TNIP2: variants seen among roughly 807,000 people sequenced by gnomAD.
TNIP2 encodes the protein TNFAIP3 interacting protein 2.
In TNIP2, 30 loss-of-function variants were observed where a neutral mutation model predicts 43.7. That is an observed-to-expected ratio of 0.69 (90% confidence interval 0.51 to 0.93). The LOEUF is 0.93. Among genes scored for constraint, TNIP2 ranks in the 40% least tolerant of loss-of-function variants. The probability of loss-of-function intolerance (pLI) is 0.00; values close to 1 mark genes in which losing one functional copy is unlikely to be tolerated. For synonymous variants in TNIP2, 260 were observed against 254.6 expected (o/e 1.02, Z -0.20); for missense variants, 599 against 591.0 (o/e 1.01, Z -0.14).
chr4:2,755,873 G>A (rs1267882014), intron 1 of TNIP2, 141 bp downstream of exon 1: 1 of 1,167,358 alleles, frequency 8.6e-7, no homozygotes, highest in East Asian at 3.4e-5. Context: ...AACCCCTCAG[G>A]ACCCGAGGCC....
chr4:2,746,767 G>A (rs1050836614), intron 2 of TNIP2, among the ~76,000 whole-genome samples: 6 of 152,238 alleles, frequency 3.9e-5, no homozygotes. Context: ...TGGGGTCTCA[G>A]CCTAGGTGAG....
chr4:2,755,813 C>G (rs370067343), intron 1 of TNIP2: 1 of 686,878 alleles, frequency 1.5e-6, no homozygotes, highest in African/African-American at 2.0e-5. Flanking sequence ...GGGGCCCCCT[C>G]ACCCCCAGGA....
chr4:2,748,594 G>A (rs111739746), intron 1 of TNIP2, among the ~76,000 whole-genome samples: 52,389 of 151,876 alleles, frequency 0.34, 10,637 homozygotes, highest in Admixed American at 0.54. Context: ...CGCCTACCTC[G>A]GCATCCGCCC....
intron 1 of TNIP2, among the ~76,000 whole-genome samples, chr4:2,753,319 G>A (rs1439044777): frequency 6.6e-6 from 1 of 151,892 alleles, no homozygotes; most frequent in Non-Finnish European, 1.5e-5. Context: ...ACACTCCTGT[G>A]GTCCCAGCTA....
chr4:2,750,280 G>A (rs1722066696), intron 1 of TNIP2, among the ~76,000 whole-genome samples: 1 of 152,100 alleles, frequency 6.6e-6, no homozygotes, highest in Non-Finnish European at 1.5e-5. Context: ...GAAGTGGCGG[G>A]AGAAGGGTCC....
At chr4:2,743,246 G>C (rs16843328) in intron 5 of TNIP2, among the ~76,000 whole-genome samples, 10,133 of 152,156 alleles carry the variant, frequency 0.067, 600 homozygotes, top group African/African-American at 0.15. Context: ...GGCTACTGTT[G>C]AAAGGGAACC....
At position 2,744,556 on chromosome 4, in the gene TNIP2, CCA is replaced by C. The variant is rs775881752; in HGVS notation, c.907-52_907-51del. 1 of 1,611,470 alleles carries C rather than the reference CCA, an allele frequency of 6.2e-7. No homozygotes were observed. The highest frequency in any genetic ancestry group is 1.1e-5 in the South Asian group (1 of 91,008). ...TCTGCTCAAGGAAGGAGGAAGCGCC[CCA>C]CCAGGCTTCTCCCACCCCCACAGTG... is the stretch of plus-strand genomic sequence containing the variant. On this transcript the variant is annotated intron_variant, in intron 4 of 5. Transcript: ENST00000315423. The surrounding 1 kb of genome is among the most constrained non-coding windows in gnomAD (Gnocchi z 5.1).
chr4:2,743,328 C>T (rs1429239149), intron 5 of TNIP2, among the ~76,000 whole-genome samples: 1 of 152,164 alleles, frequency 6.6e-6, no homozygotes, highest in African/African-American at 2.4e-5. Context: ...TCTGGGCCTG[C>T]AAGTCTGGAA....
intron 1 of TNIP2, among the ~76,000 whole-genome samples, chr4:2,750,592 T>G (rs1722076796): frequency 6.6e-6 from 1 of 151,506 alleles, no homozygotes; most frequent in Non-Finnish European, 1.5e-5. Flanking sequence ...GGCTGCAGTG[T>G]GCTGTGACGG....
At chr4:2,750,095 A>G (rs1722063066) in intron 1 of TNIP2, among the ~76,000 whole-genome samples, 1 of 152,210 alleles carries the variant, frequency 6.6e-6, no homozygotes, top group Non-Finnish European at 1.5e-5. Flanking sequence ...GAGCCACCAC[A>G]TCTGACCTGA....
chr4:2,746,845 A>G (rs1438825864), intron 2 of TNIP2, among the ~76,000 whole-genome samples: 2 of 152,180 alleles, frequency 1.3e-5, no homozygotes, highest in East Asian at 1.9e-4. Context: ...AGCAAGATGG[A>G]AGGTGCCTGG....
rs1353942715 is a variant in TNIP2 at position 2,747,368 on chromosome 4, G to C, written c.567+287C>G. Reference sequence around the variant, plus strand: ...GCTCAGCTCCTCCTCCTCATCCTCAGCTGAGGCAGATGAAAGCCAAGTGCC... The same window carrying C: ...GCTCAGCTCCTCCTCCTCATCCTCACCTGAGGCAGATGAAAGCCAAGTGCC... On this transcript the variant is annotated intron_variant, in intron 2 of 5. Transcript: ENST00000315423. The C allele has an allele frequency of 1.0e-5, 4 of 397,692 alleles. No individual in the cohort carries two copies. The East Asian group carries it at 1.3e-4, about 13-fold the overall frequency. 24.6% of individuals were successfully genotyped at this position (397,692 alleles called of 1,614,324 possible).
rs531849017 is a variant in TNIP2, at chr4:2,742,239, G to A, written c.*18C>T. The A allele has an allele frequency of 3.4e-6, 5 of 1,457,104 alleles. No homozygotes were observed. The highest frequency in any genetic ancestry group is 5.1e-5 in the East Asian group (2 of 39,536). 90.3% of individuals were successfully genotyped at this position (1,457,104 alleles called of 1,614,324 possible). A position where few individuals can be genotyped will look rare whatever the true frequency, so the allele number is the denominator to read the frequency against. ...CTGCACCGGGCCAGGAGGCCGCAAG[G>A]GCACGGGTGAGTCTCGGTCACTGGC... On this transcript the variant is annotated 3_prime_UTR_variant, in exon 6 of 6. Coordinates refer to ENST00000315423, the MANE Select transcript of TNIP2 (RefSeq NM_024309.4).
In TNIP2 at chr4:2,756,158, G is replaced by A; in HGVS notation, c.132C>T (p.Leu44=). The change falls in exon 1 of 6, where the codon CTC becomes CTT. Residue 44 remains leucine, a synonymous_variant. Coordinates refer to ENST00000315423, the MANE Select transcript of TNIP2 (RefSeq NM_024309.4). ...LQDQLAARDA[L]IARLRARLAA... ...CCAGGCGGGCGCGGAGGCGAGCGATGAGGGCGTCGCGGGCAGCGAGCTGGT... is the reference window on the plus strand; with the variant it reads ...CCAGGCGGGCGCGGAGGCGAGCGATAAGGGCGTCGCGGGCAGCGAGCTGGT... The A allele has an allele frequency of 2.0e-6, 3 of 1,477,670 alleles. No homozygotes were observed. Among genetic ancestry groups the A allele is most frequent in the Non-Finnish European group, 1.8e-6 (2 of 1,122,148 alleles). The allele number at this position is 1,477,670 out of a possible 1,614,324, so 91.5% of individuals were successfully genotyped here.
At position 2,756,192 on chromosome 4, in the gene TNIP2, C is replaced by G; in HGVS notation, c.98G>C (p.Arg33Pro). Residue 33 changes from arginine (R) to proline (P), a missense_variant, in exon 1 of 6, where the codon CGC becomes CCC. Physicochemically the swap from Arg to Pro is moderately radical, Grantham distance 103. Coordinates refer to ENST00000315423, the MANE Select transcript of TNIP2 (RefSeq NM_024309.4). Reference protein sequence around the residue: ...LYHEAGQRLRRLQDQLAARDA... With the variant: ...LYHEAGQRLRPLQDQLAARDA... ...GCGGGCAGCGAGCTGGTCCTGCAGGCGGCGCAGCCGCTGTCCGGCCTCGTG... is the reference window on the plus strand; with the variant it reads ...GCGGGCAGCGAGCTGGTCCTGCAGGGGGCGCAGCCGCTGTCCGGCCTCGTG... 6.8e-7 allele frequency: 1 copy of G among 1,475,460 alleles called. No individual in the cohort carries two copies. 91.4% of individuals were successfully genotyped at this position (1,475,460 alleles called of 1,614,324 possible).
intron 1 of TNIP2, among the ~76,000 whole-genome samples, chr4:2,750,268 C>G (rs968219345): frequency 6.6e-6 from 1 of 152,072 alleles, no homozygotes; most frequent in Non-Finnish European, 1.5e-5. Context: ...AAGCTTCCCC[C>G]AGAAGTGGCG....
intron 1 of TNIP2, among the ~76,000 whole-genome samples, chr4:2,751,271 A>T (rs905538420): frequency 1.3e-5 from 2 of 152,214 alleles, no homozygotes; most frequent in Admixed American, 1.3e-4. Flanking sequence ...TTGTGGGTCT[A>T]CACACACAGG....
At chr4:2,747,620 G>A (rs199601217) in intron 2 of TNIP2, 35 bp downstream of exon 2, 4 of 1,570,788 alleles carry the variant, frequency 2.5e-6, no homozygotes, top group Non-Finnish European at 3.4e-6. Flanking sequence ...AGCACACAGA[G>A]GTCTTCCCCA....
intron 2 of TNIP2, among the ~76,000 whole-genome samples, chr4:2,745,797 C>T (rs77122417): frequency 0.024 from 3,614 of 152,388 alleles, 58 homozygotes; most frequent in Middle Eastern, 0.048. Context: ...CCCGTCCCAC[C>T]TACCAGTTTG....
Sources: gnomAD v4.1 joint callset for allele counts (sites outside exome capture counted in the v4.1 genomes callset) on GRCh38, gnomAD v4.1.1 for gene constraint, Gnocchi (gnomAD v3.1) non-coding constraint, MANE v1.5 for transcripts, NCBI Gene and HGNC (gene_info 2026-07-23, HGNC 2026-07-21) for gene names.